ARGLU1: variants seen among roughly 807,000 people sequenced by gnomAD.
ARGLU1 encodes arginine and glutamate rich 1, also known as arginine and glutamate-rich protein 1.
Under a neutral mutation model 37.6 loss-of-function variants are expected in ARGLU1, and 9 were observed. That is an observed-to-expected ratio of 0.24 (90% CI 0.14 to 0.42). The LOEUF (loss-of-function observed/expected upper bound fraction) is 0.42, where lower values mean the gene tolerates loss of function less well. Ranked by LOEUF, ARGLU1 falls within the 10% of genes least tolerant of loss-of-function variation. The pLI, the probability that ARGLU1 is intolerant of heterozygous loss-of-function variation, is 1.00. For missense variants in ARGLU1, 211 were observed against 359.2 expected (o/e 0.59, Z 3.34); for synonymous variants, 166 against 138.5 (o/e 1.20, Z -1.39).
intron 1 of ARGLU1, among the ~76,000 whole-genome samples, chr13:106,564,957 C>A (rs1409594778): frequency 6.6e-6 from 1 of 152,194 alleles, no homozygotes; most frequent in Non-Finnish European, 1.5e-5. Context: ...AACCAACATT[C>A]TTTTTCTGAA....
intron 3 of ARGLU1, among the ~76,000 whole-genome samples, chr13:106,547,129 G>A (rs1345936105): frequency 6.6e-6 from 1 of 152,092 alleles, no homozygotes; most frequent in Non-Finnish European, 1.5e-5. Context: ...CTCGCCATGT[G>A]ATGCCTTCCA....
At chr13:106,562,249 T>A (rs997456842) in intron 1 of ARGLU1, among the ~76,000 whole-genome samples, 4 of 152,144 alleles carry the variant, frequency 2.6e-5, no homozygotes, top group Admixed American at 6.5e-5. Context: ...CAGAAAAAAA[T>A]TTTAAATCAA....
At chr13:106,548,973 G>A (rs578258043) in intron 3 of ARGLU1, among the ~76,000 whole-genome samples, 1 of 152,130 alleles carries the variant, frequency 6.6e-6, no homozygotes, top group South Asian at 2.1e-4. Flanking sequence ...GGATGGTCTA[G>A]ATCTTCTGAC....
rs1392970292 is a variant in ARGLU1, at chr13:106,543,244, A to T, written c.*752T>A. The T allele has an allele frequency of 4.6e-5, 7 of 152,564 alleles. No homozygotes were observed. Among genetic ancestry groups the T allele is most frequent in the Non-Finnish European group, 1.5e-5 (1 of 67,956 alleles). 9.5% of individuals were successfully genotyped at this position (152,564 alleles called of 1,614,324 possible). On this transcript the variant is annotated 3_prime_UTR_variant, in exon 4 of 4. Transcript: ENST00000400198. Reference sequence around the variant, plus strand: ...ATAAACAAGAGGAAATATAGTTCTAAGACTTCTAAATGGTTGACCATCAAA... The same window carrying T: ...ATAAACAAGAGGAAATATAGTTCTATGACTTCTAAATGGTTGACCATCAAA...
intron 3 of ARGLU1, among the ~76,000 whole-genome samples, chr13:106,553,105 A>T (rs950983649): frequency 1.5e-4 from 23 of 150,532 alleles, no homozygotes; most frequent in South Asian, 2.1e-4. Context: ...TCTATGTGAT[A>T]AAAAAAAGTG....
chr13:106,558,609 G>GTAA (rs1880717720), intron 2 of ARGLU1: 3 of 985,276 alleles, frequency 3.0e-6, no homozygotes, highest in Non-Finnish European at 3.6e-6. Flanking sequence ...GGATCCTGGA[G>GTAA]TAATCAGTGC....
chr13:106,560,169 T>C (rs1880759478), intron 1 of ARGLU1, among the ~76,000 whole-genome samples: 1 of 152,240 alleles, frequency 6.6e-6, no homozygotes, highest in Non-Finnish European at 1.5e-5. Flanking sequence ...GTGCGTAGTT[T>C]TTACTGAAAA....
At chr13:106,566,602 C>T (rs1235446199) in intron 1 of ARGLU1, among the ~76,000 whole-genome samples, 1 of 152,212 alleles carries the variant, frequency 6.6e-6, no homozygotes, top group Non-Finnish European at 1.5e-5. Flanking sequence ...AAACACACAA[C>T]AAATCCCTAA....
chr13:106,567,371 C>G lies in ARGLU1; in HGVS notation c.347+202G>C, dbSNP rs914583015. ...TCGAATTTTCCATCCCGAACAACTT[C>G]TGGGTCTGTCCCACCCCAAGCTTTC... On this transcript the variant is annotated intron_variant, in intron 1 of 3. Coordinates refer to ENST00000400198, the MANE Select transcript of ARGLU1 (RefSeq NM_018011.4). The surrounding 1 kb of genome is among the most constrained non-coding windows in gnomAD (Gnocchi z 4.3). Among the ~76,000 whole-genome samples the G allele has an allele frequency of 2.6e-5, 4 of 152,182 alleles. No homozygotes were observed. In the South Asian group the frequency reaches 8.3e-4, roughly 32 times the overall value.
At chr13:106,548,887 T>C (rs929958743) in intron 3 of ARGLU1, among the ~76,000 whole-genome samples, 26 of 152,208 alleles carry the variant, frequency 1.7e-4, no homozygotes, top group African/African-American at 6.3e-4. Flanking sequence ...TAGCTGGGAC[T>C]ACAGGTGCGT....
chr13:106,566,750 C>T (rs1272846182), intron 1 of ARGLU1, among the ~76,000 whole-genome samples: 1 of 152,112 alleles, frequency 6.6e-6, no homozygotes, highest in Non-Finnish European at 1.5e-5. Context: ...ATGGGAGCAA[C>T]GCCAAAATAA....
At chr13:106,564,595 C>T (rs1204352575) in intron 1 of ARGLU1, among the ~76,000 whole-genome samples, 3 of 152,194 alleles carry the variant, frequency 2.0e-5, no homozygotes, top group African/African-American at 7.2e-5. Context: ...AGGCTCTTCT[C>T]CCTCTTCCTA....
chr13:106,566,030 T>C (rs1880952970), intron 1 of ARGLU1, among the ~76,000 whole-genome samples: 2 of 152,246 alleles, frequency 1.3e-5, no homozygotes, highest in Admixed American at 1.3e-4. Context: ...ATCTCAGCAA[T>C]GTCTTAGGTA....
intron 1 of ARGLU1, among the ~76,000 whole-genome samples, chr13:106,561,121 C>G (rs191675035): frequency 2.0e-5 from 3 of 152,278 alleles, no homozygotes; most frequent in Admixed American, 2.0e-4. Context: ...GTTTGCCCAA[C>G]ACTCATTCTC....
At chr13:106,554,225 C>T (rs184757019) in intron 3 of ARGLU1, among the ~76,000 whole-genome samples, 92 of 152,298 alleles carry the variant, frequency 6.0e-4, no homozygotes, top group Non-Finnish European at 1.1e-3. Context: ...TTTTAAAGCA[C>T]TTAATGGCTT....
In ARGLU1 at chr13:106,549,846, C is replaced by G. The variant is rs1880490385; in HGVS notation, c.658-5686G>C. ...AAAGGAGGAAGTGACTGAGATTGAG[C>G]TTTGTATGCAATATTATGTACAAAA... is the stretch of plus-strand genomic sequence containing the variant. On this transcript the variant is annotated intron_variant, in intron 3 of 3. Coordinates refer to ENST00000400198, the MANE Select transcript of ARGLU1 (RefSeq NM_018011.4). Among the ~76,000 whole-genome samples the G allele has an allele frequency of 4.6e-5, 7 of 152,322 alleles. No individual in the cohort carries two copies. The South Asian group carries it at 1.4e-3, about 32-fold the overall frequency.
chr13:106,560,296 A>C (rs1880762642), intron 1 of ARGLU1, among the ~76,000 whole-genome samples: 1 of 152,106 alleles, frequency 6.6e-6, no homozygotes, highest in Non-Finnish European at 1.5e-5. Flanking sequence ...AAAGTGGGTA[A>C]AAATATATTT....
In ARGLU1 at chr13:106,567,564, G is replaced by C. The variant is rs776615438; in HGVS notation, c.347+9C>G. On this transcript the variant is annotated intron_variant, in intron 1 of 3. Transcript: ENST00000400198. This position sits in a 1 kb window ranked among gnomAD's most constrained non-coding sequence, Gnocchi z 4.3. ...GCACGCCCCGGTCCCTCCCCGCGCGGGCACTCACATTTTTCGCTGCCGCTC... is the reference window on the plus strand; with the variant it reads ...GCACGCCCCGGTCCCTCCCCGCGCGCGCACTCACATTTTTCGCTGCCGCTC... The C allele has an allele frequency of 4.4e-6, 7 of 1,580,220 alleles. No individual in the cohort carries two copies. The highest frequency in any genetic ancestry group is 1.7e-4 in the Middle Eastern group (1 of 5,994).
At position 106,567,321 on chromosome 13, in the gene ARGLU1, T is replaced by TTTTA. The variant is rs1880996357; in HGVS notation, c.347+251_347+252insTAAA. ...CCTCTCTCGCGCCAAAATCGCCTTCTCTTAAACCCTTTCTGCTCAAGCCCT... is the reference window on the plus strand; with the variant it reads ...CCTCTCTCGCGCCAAAATCGCCTTCTTTTACTTAAACCCTTTCTGCTCAAGCCCT... On this transcript the variant is annotated intron_variant, in intron 1 of 3. Transcript: ENST00000400198. The surrounding 1 kb of genome is among the most constrained non-coding windows in gnomAD (Gnocchi z 4.3). Among the ~76,000 whole-genome samples, 3 of 70,862 alleles carry TTTTA rather than the reference T, an allele frequency of 4.2e-5. No homozygotes were observed. Among genetic ancestry groups the TTTTA allele is most frequent in the Non-Finnish European group, 7.8e-5 (3 of 38,508 alleles). 46.5% of individuals were successfully genotyped at this position (70,862 alleles called of 152,430 possible).
Sources: gnomAD v4.1 joint callset for allele counts (sites outside exome capture counted in the v4.1 genomes callset) on GRCh38, gnomAD v4.1.1 for gene constraint, Gnocchi (gnomAD v3.1) non-coding constraint, MANE v1.5 for transcripts, NCBI Gene and HGNC (gene_info 2026-07-23, HGNC 2026-07-21) for gene names.